DAGLB: variants seen among roughly 807,000 people sequenced by gnomAD.
The protein encoded by DAGLB is diacylglycerol lipase beta, also known as diacylglycerol lipase-beta.
A neutral mutation model predicts 72.1 loss-of-function variants in DAGLB; 66 were observed. The observed-to-expected ratio is 0.92, with a 90% CI of 0.75 to 1.12. DAGLB has a LOEUF of 1.12. Among genes scored for constraint, DAGLB ranks in the 50% most tolerant of loss-of-function variants. DAGLB has a pLI of 0.00. For missense variants in DAGLB, 1,065 were observed against 884.9 expected, an observed-to-expected ratio of 1.20 and a Z score of -2.58; for synonymous variants, 414 against 359.5, an observed-to-expected ratio of 1.15 and a Z score of -1.71.
At chr7:6,440,034 GGA>G (rs1784778347) in intron 2 of DAGLB, among the ~76,000 whole-genome samples, 1 of 140,450 alleles carries the variant, frequency 7.1e-6, no homozygotes, top group Non-Finnish European at 1.5e-5. Context: ...CCTGGGTGAT[GGA>G]GAAAGACTCT....
chr7:6,422,782 G>A (rs836517), intron 8 of DAGLB: 39,493 of 152,118 alleles, frequency 0.26, 6,800 homozygotes, highest in African/African-American at 0.48. Context: ...ACTATGCTCA[G>A]TACCTGGGAG....
rs756548629 is a variant in DAGLB, at chr7:6,436,539, A to G, written c.248-6T>C. ...TCCAGGGTTACAAATCGTTCCTGAA[A>G]TACAAAAAACGTTCCGACTGCTCAG... On this transcript the variant is annotated splice_region_variant and splice_polypyrimidine_tract_variant and intron_variant, in intron 2 of 14. Transcript: ENST00000297056. 1.9e-6 allele frequency: 3 copies of G among 1,613,760 alleles called. No homozygotes were observed. The highest frequency in any genetic ancestry group is 2.5e-6 in the Non-Finnish European group (3 of 1,179,950).
At chr7:6,415,365 G>C (rs1783873416) in intron 11 of DAGLB, among the ~76,000 whole-genome samples, 1 of 151,874 alleles carries the variant, frequency 6.6e-6, no homozygotes, top group Non-Finnish European at 1.5e-5. Flanking sequence ...GCGAAGAAAA[G>C]CTCTTTTTGT....
At chr7:6,433,369 G>A (rs1211632018) in intron 4 of DAGLB, among the ~76,000 whole-genome samples, 1 of 152,138 alleles carries the variant, frequency 6.6e-6, no homozygotes, top group African/African-American at 2.4e-5. Flanking sequence ...CACAGTGGAT[G>A]GTAGAGATTT....
In DAGLB at chr7:6,421,789, G is replaced by A. The variant is rs376696645; in HGVS notation, c.1156C>T (p.Leu386=). 7.4e-6 allele frequency: 12 copies of A among 1,613,034 alleles called. No individual in the cohort carries two copies. Among genetic ancestry groups the A allele is most frequent in the Non-Finnish European group, 1.0e-5 (12 of 1,179,628 alleles). ...TMSLQDVLTD[L]SAESEVLDVE... ...TCCAGCACCTCACTCTCCGCTGACA[G>A]GTCCGTAAGGACATCCTGTAAAAAG... Residue 386 remains leucine (L), a synonymous_variant, in exon 9 of 15, where the codon CTG becomes TTG. Transcript: ENST00000297056.
chr7:6,445,794 A>G, intron 2 of DAGLB, 159 bp downstream of exon 2: 1 of 791,468 alleles, frequency 1.3e-6, no homozygotes, highest in Non-Finnish European at 1.9e-6. Flanking sequence ...AGTGAAGAAA[A>G]TGGTATAAAC....
chr7:6,437,773 C>A (rs908794030), intron 2 of DAGLB, among the ~76,000 whole-genome samples: 1 of 152,126 alleles, frequency 6.6e-6, no homozygotes, highest in African/African-American at 2.4e-5. Flanking sequence ...CTCAGCCTCC[C>A]TAGTAGCTGG....
chr7:6,424,555 C>G (rs2115262635), intron 8 of DAGLB, among the ~76,000 whole-genome samples, 197 bp downstream of exon 8: 1 of 152,310 alleles, frequency 6.6e-6, no homozygotes, highest in South Asian at 2.1e-4. Context: ...GCTGACAGTT[C>G]TCAGTGAAGA....
At chr7:6,427,592 C>A (rs1375134505) in intron 6 of DAGLB, among the ~76,000 whole-genome samples, 3 of 151,586 alleles carry the variant, frequency 2.0e-5, no homozygotes, top group African/African-American at 7.3e-5. Context: ...AAAAGACAAA[C>A]AAAAAAAAGA....
rs1448508745 is a variant in DAGLB, at chr7:6,410,259, C to T, written c.1691G>A (p.Ser564Asn). ...VLTQPLLGEQ[S>N]LLTRWSPAYS... ...GGCCGGGGACCAGCGCGTCAGTAGG[C>T]TCTGCTCCCCCAGAAGAGGCTGTGT... The change falls in exon 14 of 15, where the codon AGC becomes AAC. Residue 564 changes from serine (S) to asparagine (N), a missense_variant. Transcript: ENST00000297056. The T allele has an allele frequency of 6.2e-7, 1 of 1,613,542 alleles. No homozygotes were observed. Among genetic ancestry groups the T allele is most frequent in the Admixed American group, 1.7e-5 (1 of 59,900 alleles).
intron 8 of DAGLB, among the ~76,000 whole-genome samples, chr7:6,423,456 G>A (rs530678532): frequency 6.6e-6 from 1 of 152,064 alleles, no homozygotes; most frequent in African/African-American, 2.4e-5. Flanking sequence ...ACAGAGTCTC[G>A]ATCTGTCGCC....
In DAGLB at chr7:6,432,945, C is replaced by T. The variant is rs1446323579; in HGVS notation, c.693G>A (p.Val231=). ...FSTYFSDTDL[V]PSDIAAGLAL... ...CGAGGCCCGCCGCAATGTCGCTGGG[C>T]ACCAGATCTGTGTCCTGGGTGGGAA... Residue 231 remains valine (V), a synonymous_variant, in exon 5 of 15, where the codon GTG becomes GTA. Transcript: ENST00000297056. 6.2e-7 allele frequency: 1 copy of T among 1,613,724 alleles called. No homozygotes were observed.
intron 5 of DAGLB, among the ~76,000 whole-genome samples, chr7:6,431,204 T>C (rs1259396339): frequency 6.6e-6 from 1 of 151,898 alleles, no homozygotes; most frequent in Non-Finnish European, 1.5e-5. Context: ...AACTAGTACA[T>C]TTCCATGCCA....
At chr7:6,444,524 C>G (rs1333343548) in intron 2 of DAGLB, among the ~76,000 whole-genome samples, 1 of 152,110 alleles carries the variant, frequency 6.6e-6, no homozygotes, top group Non-Finnish European at 1.5e-5. Context: ...ATCACTTGAA[C>G]CCAGGAGACG....
intron 9 of DAGLB, among the ~76,000 whole-genome samples, chr7:6,419,573 A>G (rs964461747): frequency 6.6e-6 from 1 of 152,228 alleles, no homozygotes; most frequent in African/African-American, 2.4e-5. Context: ...AATGAAGCCA[A>G]GAGGACAGGA....
chr7:6,410,259 C>G lies in DAGLB; in HGVS notation c.1691G>C (p.Ser564Thr). 6.2e-7 allele frequency: 1 copy of G among 1,613,542 alleles called. No homozygotes were observed. Residue 564 changes from serine to threonine, a missense_variant, in exon 14 of 15, where the codon AGC (serine) becomes ACC (threonine). Ser to Thr is a moderately conservative substitution (Grantham distance 58, BLOSUM62 1). Transcript: ENST00000297056. ...GGCCGGGGACCAGCGCGTCAGTAGG[C>G]TCTGCTCCCCCAGAAGAGGCTGTGT... ...VLTQPLLGEQSLLTRWSPAYS... is the reference protein window; with the variant it reads ...VLTQPLLGEQTLLTRWSPAYS...
rs779747330 is a variant in DAGLB at position 6,447,845 on chromosome 7, C to A, written c.-3G>T. On this transcript the variant is annotated 5_prime_UTR_variant, in exon 1 of 15. Transcript: ENST00000297056. The stretch of plus-strand genomic sequence containing the variant: ...CCGAAGAGTACCATCCCCGGCATGG[C>A]GAAGGTCCCGTAGCTCGCACTCAGG... The A allele has an allele frequency of 6.2e-7, 1 of 1,609,362 alleles. No individual in the cohort carries two copies. The highest frequency in any genetic ancestry group is 8.5e-7 in the Non-Finnish European group (1 of 1,178,310).
At chr7:6,447,598 G>A (rs1785051768) in intron 1 of DAGLB, 150 bp downstream of exon 1, 4 of 1,125,124 alleles carry the variant, frequency 3.6e-6, no homozygotes, top group Non-Finnish European at 4.9e-6. Flanking sequence ...ACCTCTTCGG[G>A]CAGTGGTGAG....
chr7:6,433,539 G>T (rs980686754), intron 4 of DAGLB, among the ~76,000 whole-genome samples: 1 of 152,126 alleles, frequency 6.6e-6, no homozygotes, highest in Non-Finnish European at 1.5e-5. Context: ...CTTGTAGCCC[G>T]TAAGAATGGA....
Sources: gnomAD v4.1 joint callset for allele counts (sites outside exome capture counted in the v4.1 genomes callset) on GRCh38, gnomAD v4.1.1 for gene constraint, MANE v1.5 for transcripts, NCBI Gene and HGNC (gene_info 2026-07-23, HGNC 2026-07-21) for gene names.